Variants in CHD7 observed in about 807,000 individuals in gnomAD.
CHD7 encodes the protein ATP-dependent chromatin remodeler CHD7.
CHD7 carries 24 observed loss-of-function variants against 307.3 expected under a neutral mutation model. That is an observed-to-expected ratio of 0.08 (90% CI 0.06 to 0.11). The LOEUF is 0.11. Among genes scored for constraint, CHD7 ranks in the 10% least tolerant of loss-of-function variants. The pLI, the probability that CHD7 is intolerant of heterozygous loss-of-function variation, is 1.00. For synonymous variants in CHD7, 1,363 were observed against 1,349.9 expected, an observed-to-expected ratio of 1.01 and a Z score of -0.21; for missense variants, 3,106 against 3,727.1, an observed-to-expected ratio of 0.83 and a Z score of 4.34.
chr8:60,855,141 C>CA lies in CHD7; in HGVS notation c.6936+624dup, dbSNP rs371363109. On this transcript the variant is annotated intron_variant, in intron 32 of 37. Coordinates refer to ENST00000423902, the MANE Select transcript of CHD7 (RefSeq NM_017780.4). ...CAGGGCTGTCTGGTTTAAAACAACA[C>CA]AAAAAATGAGCTTCAGTCAGCCTAC... 7.9e-5 allele frequency: 12 copies of CA among 151,228 alleles called. 1 individual carries two copies. The South Asian group carries it at 2.5e-3, about 31-fold the overall frequency. The allele number at this position is 151,228 out of a possible 1,614,324, so 9.4% of individuals were successfully genotyped here. A position where few individuals can be genotyped will look rare whatever the true frequency, so the allele number is the denominator to read the frequency against.
intron 1 of CHD7, among the ~76,000 whole-genome samples, chr8:60,708,935 C>T (rs964013075): frequency 5.3e-5 from 8 of 152,132 alleles, no homozygotes; most frequent in African/African-American, 1.9e-4. Flanking sequence ...AATAAGGCAG[C>T]ATCTTACGAT....
chr8:60,801,667 C>A, intron 6 of CHD7, 74 bp downstream of exon 6: 1 of 964,898 alleles, frequency 1.0e-6, no homozygotes, highest in Non-Finnish European at 1.6e-6. Context: ...TTGTAATTTT[C>A]TTTTAAAATT....
At chr8:60,689,815 T>C (rs1806106590) in intron 1 of CHD7, among the ~76,000 whole-genome samples, 1 of 152,236 alleles carries the variant, frequency 6.6e-6, no homozygotes, top group Non-Finnish European at 1.5e-5. Context: ...TGTTTTCACT[T>C]ATCAGTCCAA....
In CHD7 at chr8:60,781,056, T is replaced by C; in HGVS notation, c.1722T>C (p.Ser574=). 6.2e-7 allele frequency: 1 copy of C among 1,609,550 alleles called. No homozygotes were observed. Among genetic ancestry groups the C allele is most frequent in the Non-Finnish European group, 8.5e-7 (1 of 1,178,472 alleles). ...CAGTGCCGGATATGACTCAGGTTAGTGGACCGAATGCTCAGCTAGTGAAGA... is the reference window on the plus strand; with the variant it reads ...CAGTGCCGGATATGACTCAGGTTAGCGGACCGAATGCTCAGCTAGTGAAGA... ...EKPVPDMTQV[S]GPNAQLVKSD... is the part of the protein sequence containing the mutation. The change falls in exon 3 of 38, where the codon AGT becomes AGC. Residue 574 remains serine, a synonymous_variant. Coordinates refer to ENST00000423902, the MANE Select transcript of CHD7 (RefSeq NM_017780.4).
intron 1 of CHD7, among the ~76,000 whole-genome samples, chr8:60,698,035 G>C (rs1460630463): frequency 6.6e-6 from 1 of 152,188 alleles, no homozygotes; most frequent in Non-Finnish European, 1.5e-5. Context: ...CACCAAGACT[G>C]TTCCACAGGA....
rs1809873081 is a variant in CHD7 at position 60,756,041 on chromosome 8, T to A, written c.1665+12944T>A. ...ACCCTTGAAATGGGGCTAGTGAGGC[T>A]GAAGAACTGAAATTTTAATTTTATT... On this transcript the variant is annotated intron_variant, in intron 2 of 37. Transcript: ENST00000423902. 2.0e-5 allele frequency among the ~76,000 whole-genome samples: 3 copies of A among 152,224 alleles called. No homozygotes were observed. The South Asian group carries it at 6.2e-4, about 32-fold the overall frequency.
At chr8:60,811,617 G>A (rs1296341690) in intron 7 of CHD7, among the ~76,000 whole-genome samples, 2 of 151,892 alleles carry the variant, frequency 1.3e-5, no homozygotes, top group East Asian at 1.9e-4. Flanking sequence ...TTCCAATTAC[G>A]GATAATGCTA....
chr8:60,743,190 G>C (rs1477988408), intron 2 of CHD7, 93 bp downstream of exon 2: 1 of 1,109,956 alleles, frequency 9.0e-7, no homozygotes, highest in African/African-American at 1.5e-5. Context: ...TCTATGAAAA[G>C]CTTTTTCATT....
At position 60,822,590 on chromosome 8, in the gene CHD7, C is replaced by G; in HGVS notation, c.3045C>G (p.Ile1015Met). Reference sequence around the variant, plus strand: ...TCTATGAGATATATTTGAAAGGAATCCATGGCCCTTTTTTAGTAATTGCCC... The same window carrying G: ...TCTATGAGATATATTTGAAAGGAATGCATGGCCCTTTTTTAGTAATTGCCC... ...TFLYEIYLKG[I>M]HGPFLVIAPL... The change falls in exon 12 of 38, where the codon ATC becomes ATG. Residue 1015 changes from isoleucine to methionine, a missense_variant. Transcript: ENST00000423902. 1 of 1,613,808 alleles carries G rather than the reference C, an allele frequency of 6.2e-7. No homozygotes were observed. Among genetic ancestry groups the G allele is most frequent in the South Asian group, 1.1e-5 (1 of 91,086 alleles).
At chr8:60,846,971 A>G (rs936751452) in intron 23 of CHD7, among the ~76,000 whole-genome samples, 9 of 152,300 alleles carry the variant, frequency 5.9e-5, no homozygotes, top group Admixed American at 4.6e-4. Flanking sequence ...TATCTCAGAA[A>G]CTTGGTGGTT....
intron 2 of CHD7, among the ~76,000 whole-genome samples, chr8:60,752,236 T>G (rs1586268447): frequency 2.6e-5 from 4 of 151,860 alleles, no homozygotes; most frequent in Admixed American, 2.0e-4. Context: ...TCTTAAAGAG[T>G]CTTTTTGTTT....
chr8:60,686,599 T>C (rs1443087629), intron 1 of CHD7, among the ~76,000 whole-genome samples: 1 of 152,174 alleles, frequency 6.6e-6, no homozygotes, highest in African/African-American at 2.4e-5. Flanking sequence ...TTTTCCACCA[T>C]GTATTTCATC....
chr8:60,742,175 C>T lies in CHD7; in HGVS notation c.743C>T (p.Ser248Phe). The T allele has an allele frequency of 6.2e-7, 1 of 1,613,948 alleles. No individual in the cohort carries two copies. The highest frequency in any genetic ancestry group is 8.5e-7 in the Non-Finnish European group (1 of 1,179,886). The change falls in exon 2 of 38, where the codon TCC becomes TTC. Residue 248 changes from serine to phenylalanine, a missense_variant. Coordinates refer to ENST00000423902, the MANE Select transcript of CHD7 (RefSeq NM_017780.4). ...VPQQSPSMAP[S>F]LRHSVQQFHH... ...CAGCAGAGTCCCAGCATGGCACCTT[C>T]CTTGCGTCACTCGGTGCAGCAGTTC...
At chr8:60,808,043 T>G (rs1172534446) in intron 6 of CHD7, among the ~76,000 whole-genome samples, 174 bp from the exon 7 acceptor site, 1 of 152,266 alleles carries the variant, frequency 6.6e-6, no homozygotes, top group African/African-American at 2.4e-5. Context: ...GGCCTGAGCG[T>G]GGCAGTCTTC....
chr8:60,708,608 G>A (rs1807126792), intron 1 of CHD7, among the ~76,000 whole-genome samples: 1 of 152,114 alleles, frequency 6.6e-6, no homozygotes, highest in Admixed American at 6.5e-5. Flanking sequence ...TTTAAATATA[G>A]TCCACAACAG....
chr8:60,820,347 C>T (rs1219429563), intron 9 of CHD7, among the ~76,000 whole-genome samples: 1 of 152,150 alleles, frequency 6.6e-6, no homozygotes, highest in African/African-American at 2.4e-5. Flanking sequence ...TGACATTTTG[C>T]ACAATTCCAC....
intron 16 of CHD7, among the ~76,000 whole-genome samples, 153 bp from the exon 17 acceptor site, chr8:60,836,664 C>G (rs1244112352): frequency 6.6e-6 from 1 of 152,046 alleles, no homozygotes; most frequent in Non-Finnish European, 1.5e-5. Context: ...ATAAAAAACG[C>G]CAATAAACCC....
intron 4 of CHD7, among the ~76,000 whole-genome samples, chr8:60,796,542 ACTG>A (rs1812043207): frequency 6.6e-6 from 1 of 152,114 alleles, no homozygotes; most frequent in South Asian, 2.1e-4. Context: ...TTTCACAAAT[ACTG>A]CTATTGTTTT....
chr8:60,801,500 G>A (rs1229029318), intron 5 of CHD7, 28 bp from the exon 6 acceptor site: 1 of 1,525,626 alleles, frequency 6.6e-7, no homozygotes, highest in Non-Finnish European at 8.9e-7. Flanking sequence ...TTTTCTATTT[G>A]GATTGATGCA....
Sources: gnomAD v4.1 joint callset for allele counts (sites outside exome capture counted in the v4.1 genomes callset) on GRCh38, gnomAD v4.1.1 for gene constraint, MANE v1.5 for transcripts, NCBI Gene and HGNC (gene_info 2026-07-23, HGNC 2026-07-21) for gene names.